Variants in PLEKHA8 observed in about 807,000 individuals in gnomAD.
PLEKHA8 encodes pleckstrin homology domain-containing family A member 8.
A neutral mutation model predicts 68.2 loss-of-function variants in PLEKHA8; 36 were observed. The observed-to-expected ratio is 0.53, with a 90% CI of 0.40 to 0.70. The LOEUF (loss-of-function observed/expected upper bound fraction) is 0.70, where lower values mean the gene tolerates loss of function less well. PLEKHA8 is among the 30% of genes least tolerant of loss of function. The probability of loss-of-function intolerance (pLI) is 0.00; values close to 1 mark genes in which losing one functional copy is unlikely to be tolerated. For missense variants in PLEKHA8, 505 were observed against 615.4 expected (o/e 0.82, Z 1.90); for synonymous variants, 211 against 216.1 (o/e 0.98, Z 0.20).
At chr7:30,055,082 A>G (rs1194156499) in intron 8 of PLEKHA8, among the ~76,000 whole-genome samples, 175 bp from the exon 9 acceptor site, 1 of 152,210 alleles carries the variant, frequency 6.6e-6, no homozygotes, top group Non-Finnish European at 1.5e-5. Context: ...GCTTTGGTGG[A>G]TTATCTTTGG....
At chr7:30,128,683 A>T (rs1213175941) in intron 13 of PLEKHA8, among the ~76,000 whole-genome samples, 8 of 151,978 alleles carry the variant, frequency 5.3e-5, no homozygotes, top group Non-Finnish European at 1.0e-4. Context: ...TAGTCCATTT[A>T]TGTTGCTATA....
chr7:30,119,641 C>T (rs1488846146), intron 13 of PLEKHA8, among the ~76,000 whole-genome samples: 3 of 152,212 alleles, frequency 2.0e-5, no homozygotes, highest in Non-Finnish European at 2.9e-5. Context: ...GAAGTGGGCA[C>T]CCATCTCCTT....
At chr7:30,110,932 TCTCA>T (rs1368644510) in intron 13 of PLEKHA8, among the ~76,000 whole-genome samples, 3 of 150,356 alleles carry the variant, frequency 2.0e-5, no homozygotes, top group Non-Finnish European at 4.4e-5. Context: ...TTTCACGGAG[TCTCA>T]CTCTGTTGCC....
intron 13 of PLEKHA8, among the ~76,000 whole-genome samples, chr7:30,112,219 TG>T (rs2128018047): frequency 6.6e-6 from 1 of 152,062 alleles, no homozygotes; most frequent in Non-Finnish European, 1.5e-5. Context: ...CAGAAAGAGA[TG>T]GAAAAAATGA....
rs70980590 is a variant in PLEKHA8, at chr7:30,056,742, AGTGTGTGT to A, written c.1039+1437_1039+1444del. 7.8e-3 allele frequency among the ~76,000 whole-genome samples: 583 copies of A among 74,742 alleles called. 7 individuals are homozygous for A. The highest frequency in any genetic ancestry group is 0.025 in the East Asian group (50 of 1,990). The allele number at this position is 74,742 out of a possible 152,430, so 49.0% of individuals were successfully genotyped here. On this transcript the variant is annotated intron_variant, in intron 9 of 13. Transcript: ENST00000449726. ...CCTGTCTCAAAAAAAAAAAAAAAAA[AGTGTGTGT>A]GTGTGTGTGTGTGTGTGTGTGTGTG...
intron 13 of PLEKHA8, among the ~76,000 whole-genome samples, chr7:30,119,658 G>C (rs1796663264): frequency 6.6e-6 from 1 of 152,208 alleles, no homozygotes; most frequent in South Asian, 2.1e-4. Flanking sequence ...CCTTTGGAGA[G>C]GTTTCTGCCA....
At chr7:30,103,495 A>G (rs1484437295) in intron 13 of PLEKHA8, among the ~76,000 whole-genome samples, 2 of 152,260 alleles carry the variant, frequency 1.3e-5, no homozygotes, top group African/African-American at 4.8e-5. Context: ...CTTGAAAATT[A>G]GCAAAGTTGG....
chr7:30,106,306 G>T (rs1047770696), intron 13 of PLEKHA8, among the ~76,000 whole-genome samples: 1 of 152,030 alleles, frequency 6.6e-6, no homozygotes, highest in South Asian at 2.1e-4. Context: ...CAAATGATCT[G>T]TCTGCCTTGG....
chr7:30,118,647 G>A lies in PLEKHA8; in HGVS notation c.1363-10619G>A, dbSNP rs964445418. Among the ~76,000 whole-genome samples the A allele has an allele frequency of 1.1e-4, 16 of 150,476 alleles. No individual in the cohort carries two copies. In the East Asian group the frequency reaches 1.2e-3, roughly 11 times the overall value. On this transcript the variant is annotated intron_variant, in intron 13 of 13. Coordinates refer to the PLEKHA8 transcript ENST00000396257. ...GGCTGGAGTGCAGTGGCGCGATCTC[G>A]GCTCACTGCAAGCTCCGCCTGCCGG...
Position 30,083,814 on chromosome 7 carries a change from C to G in PLEKHA8, c.*5027C>G, listed in dbSNP as rs191817646. 1.0e-6 allele frequency: 1 copy of G among 985,332 alleles called. No individual in the cohort carries two copies. Among genetic ancestry groups the G allele is most frequent in the Admixed American group, 6.1e-5 (1 of 16,278 alleles). 61.0% of individuals were successfully genotyped at this position (985,332 alleles called of 1,614,324 possible). ...TATATTTAAAGTGTGGTCAGTATTT[C>G]CTCCCTGTACCTTACAAACAGAAAC... On this transcript the variant is annotated 3_prime_UTR_variant, in exon 14 of 14. Transcript: ENST00000449726.
At chr7:30,110,286 T>C (rs758019091) in intron 13 of PLEKHA8, among the ~76,000 whole-genome samples, 6 of 152,252 alleles carry the variant, frequency 3.9e-5, no homozygotes, top group Non-Finnish European at 7.3e-5. Context: ...TGGTGTTTTA[T>C]GTCTGGCTAC....
chr7:30,037,366 G>A (rs1279080473), intron 1 of PLEKHA8, among the ~76,000 whole-genome samples: 1 of 151,850 alleles, frequency 6.6e-6, no homozygotes. Context: ...ACAGGGTCTC[G>A]CTATGTTGCC....
exon 13 of PLEKHA8, chr7:30,090,246 A>G (rs1196385824): frequency 1.3e-6 from 2 of 1,529,230 alleles, no homozygotes; most frequent in Admixed American, 4.3e-5. Context: ...ATTCAGGCAG[A>G]AAAAGCAAGT....
chr7:30,068,701 A>G (rs536693696), intron 12 of PLEKHA8, among the ~76,000 whole-genome samples: 7 of 152,180 alleles, frequency 4.6e-5, no homozygotes, highest in African/African-American at 1.2e-4. Context: ...CTCTTTATCT[A>G]TGGTGTCTTT....
At chr7:30,045,234 T>C (rs770380054) in intron 2 of PLEKHA8, 33 bp downstream of exon 2, 3 of 1,521,038 alleles carry the variant, frequency 2.0e-6, no homozygotes, top group Non-Finnish European at 2.7e-6. Flanking sequence ...AGTTTTATTT[T>C]TCTTTCTGTT....
chr7:30,119,296 AC>A (rs1180574517), intron 13 of PLEKHA8, among the ~76,000 whole-genome samples: 3 of 152,238 alleles, frequency 2.0e-5, no homozygotes, highest in Admixed American at 6.5e-5. Flanking sequence ...CCTGAAAACA[AC>A]CCTAAGAGGT....
At chr7:30,111,061 T>C (rs1206180021) in intron 13 of PLEKHA8, among the ~76,000 whole-genome samples, 1 of 151,998 alleles carries the variant, frequency 6.6e-6, no homozygotes, top group African/African-American at 2.4e-5. Flanking sequence ...CACACCACCA[T>C]GCATGGCTAA....
chr7:30,039,076 A>G (rs981365405), intron 1 of PLEKHA8, among the ~76,000 whole-genome samples: 2 of 152,232 alleles, frequency 1.3e-5, no homozygotes, highest in African/African-American at 4.8e-5. Flanking sequence ...AGTAAATTTT[A>G]CACAGTTTGT....
Position 30,054,978 on chromosome 7 carries a change from G to A in PLEKHA8, c.953+113G>A, listed in dbSNP as rs1476317896. On this transcript the variant is annotated intron_variant, in intron 8 of 13. Transcript: ENST00000449726. ...ATATTCTAGGAGAATAGAGAATGTG[G>A]TATACCAAGTACCTGCTTTACTGTT... 7.2e-5 allele frequency: 76 copies of A among 1,054,428 alleles called. No homozygotes were observed. In the East Asian group the frequency reaches 1.6e-3, roughly 23 times the overall value. The allele number at this position is 1,054,428 out of a possible 1,614,324, so 65.3% of individuals were successfully genotyped here. A position where few individuals can be genotyped will look rare whatever the true frequency, so the allele number is the denominator to read the frequency against.
Sources: gnomAD v4.1 joint callset for allele counts (sites outside exome capture counted in the v4.1 genomes callset) on GRCh38, gnomAD v4.1.1 for gene constraint, MANE v1.5 for transcripts, NCBI Gene and HGNC (gene_info 2026-07-23, HGNC 2026-07-21) for gene names.